The following PGM5 variants were observed in gnomAD, a reference collection of about 807,000 sequenced individuals.
PGM5 encodes phosphoglucomutase-like protein 5.
Under a neutral mutation model 59.2 loss-of-function variants are expected in PGM5, and 23 were observed. That is an observed-to-expected ratio of 0.39 (90% confidence interval 0.28 to 0.55). The LOEUF (loss-of-function observed/expected upper bound fraction) is 0.55, where lower values mean the gene tolerates loss of function less well. PGM5 is among the 20% of genes least tolerant of loss of function. The pLI is 0.66. For missense variants in PGM5, 574 were observed against 748.3 expected (o/e 0.77, Z 2.72); for synonymous variants, 214 against 286.0 (o/e 0.75, Z 2.54).
intron 6 of PGM5, among the ~76,000 whole-genome samples, chr9:68,426,634 A>G (rs1442180981): frequency 2.7e-5 from 4 of 148,580 alleles, no homozygotes; most frequent in African/African-American, 7.5e-5. Context: ...TTTTTGGCCA[A>G]TTTCTCTGGG....
At chr9:68,521,148 A>G (rs1412343767) in intron 10 of PGM5, among the ~76,000 whole-genome samples, 2 of 152,230 alleles carry the variant, frequency 1.3e-5, no homozygotes, top group Admixed American at 1.3e-4. Context: ...TGACTGCACA[A>G]GTTATGTAAT....
At chr9:68,466,864 T>C (rs1426383771) in intron 7 of PGM5, among the ~76,000 whole-genome samples, 1 of 152,336 alleles carries the variant, frequency 6.6e-6, no homozygotes, top group East Asian at 1.9e-4. Flanking sequence ...AAACTTTCCC[T>C]GGTAGCAGAG....
intron 6 of PGM5, among the ~76,000 whole-genome samples, chr9:68,445,554 C>T (rs1228115867): frequency 6.6e-6 from 1 of 152,204 alleles, no homozygotes; most frequent in Non-Finnish European, 1.5e-5. Flanking sequence ...CATATTGGGA[C>T]ACAACGTGGA....
intron 6 of PGM5, among the ~76,000 whole-genome samples, chr9:68,464,860 T>C (rs1672050080): frequency 6.6e-6 from 1 of 152,190 alleles, no homozygotes. Context: ...ATATTCTGTA[T>C]ATTAACTTAT....
chr9:68,424,632 T>C (rs1823203745), intron 6 of PGM5, among the ~76,000 whole-genome samples: 1 of 152,156 alleles, frequency 6.6e-6, no homozygotes, highest in Non-Finnish European at 1.5e-5. Context: ...GGCAGAAGGG[T>C]TCCATGGACA....
At chr9:68,386,993 T>A (rs365568) in intron 3 of PGM5, among the ~76,000 whole-genome samples, 108,560 of 150,486 alleles carry the variant, frequency 0.72, 39,077 homozygotes, top group South Asian at 0.79. Context: ...GCACAATGGC[T>A]TTTGGAAAAT....
rs1554676971 is a variant in PGM5 at position 68,369,115 on chromosome 9, C to T, written c.262-9084C>T. On this transcript the variant is annotated intron_variant, in intron 1 of 10. Transcript: ENST00000396396. ...CATGTTGTGGAAGAATATTCAGTGACATGGAAAGATTGACTCAAGGGCAAG... is the reference window on the plus strand; with the variant it reads ...CATGTTGTGGAAGAATATTCAGTGATATGGAAAGATTGACTCAAGGGCAAG... Among the ~76,000 whole-genome samples the T allele has an allele frequency of 2.0e-5, 3 of 152,172 alleles. No homozygotes were observed. The South Asian group carries it at 6.2e-4, about 31-fold the overall frequency.
intron 10 of PGM5, among the ~76,000 whole-genome samples, chr9:68,520,512 TACACCACGCA>T (rs1824885797): frequency 6.6e-6 from 1 of 152,172 alleles, no homozygotes; most frequent in South Asian, 2.1e-4. Context: ...ATATAGATAT[TACACCACGCA>T]ACATCAACTC....
At chr9:68,435,755 T>A (rs1823433246) in intron 6 of PGM5, among the ~76,000 whole-genome samples, 1 of 152,212 alleles carries the variant, frequency 6.6e-6, no homozygotes, top group African/African-American at 2.4e-5. Context: ...TATGTGAACA[T>A]GTGTTTTCTT....
intron 7 of PGM5, among the ~76,000 whole-genome samples, chr9:68,475,626 C>T (rs917476028): frequency 1.1e-4 from 16 of 151,906 alleles, no homozygotes; most frequent in African/African-American, 3.6e-4. Context: ...GTGATGAGTA[C>T]ACTAAAAGCC....
intron 6 of PGM5, among the ~76,000 whole-genome samples, chr9:68,393,097 TTGTC>T (rs1822408358): frequency 1.3e-5 from 2 of 151,950 alleles, no homozygotes; most frequent in African/African-American, 4.8e-5. Flanking sequence ...TCCATCCCTC[TTGTC>T]TATCACCCTA....
intron 10 of PGM5, among the ~76,000 whole-genome samples, chr9:68,518,767 A>G (rs1367652784): frequency 6.6e-6 from 1 of 152,232 alleles, no homozygotes. Context: ...TCATATTCGG[A>G]AAAATACAGA....
At chr9:68,507,180 G>C (rs1267530640) in intron 10 of PGM5, among the ~76,000 whole-genome samples, 3 of 152,224 alleles carry the variant, frequency 2.0e-5, no homozygotes, top group Non-Finnish European at 2.9e-5. Context: ...GTGTTGAAGA[G>C]AGAGTTGAGA....
intron 6 of PGM5, among the ~76,000 whole-genome samples, chr9:68,401,355 T>C (rs1342631391): frequency 4.0e-5 from 6 of 151,646 alleles, no homozygotes; most frequent in South Asian, 2.1e-4. Flanking sequence ...ACGAACCTTT[T>C]TTGGAAGTCA....
rs533052484 is a variant in PGM5 at position 68,412,742 on chromosome 9, G to A, written c.1043+20269G>A. Among the ~76,000 whole-genome samples, 8 of 152,324 alleles carry A rather than the reference G, an allele frequency of 5.3e-5. No individual in the cohort carries two copies. The South Asian group carries it at 1.7e-3, about 32-fold the overall frequency. ...GGCTAAAGGGACCATTTTCTTAACA[G>A]TTTCTTTCTTTTATAGGGCCATGTG... is the stretch of plus-strand genomic sequence containing the variant. On this transcript the variant is annotated intron_variant, in intron 6 of 10. Transcript: ENST00000396396.
chr9:68,513,053 T>C (rs1460273484), intron 10 of PGM5, among the ~76,000 whole-genome samples: 1 of 152,244 alleles, frequency 6.6e-6, no homozygotes, highest in Non-Finnish European at 1.5e-5. Flanking sequence ...CCTTGCCTTA[T>C]AGGTTTCTGA....
At chr9:68,388,087 C>T (rs1822273265) in intron 4 of PGM5, among the ~76,000 whole-genome samples, 1 of 140,314 alleles carries the variant, frequency 7.1e-6, no homozygotes, top group Non-Finnish European at 1.6e-5. Context: ...ACTGGAGCTG[C>T]AGCTCTTTTT....
At chr9:68,401,987 G>A (rs1173110207) in intron 6 of PGM5, among the ~76,000 whole-genome samples, 1 of 152,052 alleles carries the variant, frequency 6.6e-6, no homozygotes, top group Non-Finnish European at 1.5e-5. Flanking sequence ...TTTTGGCTGG[G>A]CGCGGTGGCT....
chr9:68,374,214 A>AT (rs1163684925), intron 1 of PGM5, among the ~76,000 whole-genome samples: 1 of 152,106 alleles, frequency 6.6e-6, no homozygotes, highest in Non-Finnish European at 1.5e-5. Context: ...AGCTACAAAC[A>AT]TTTTTCAGAT....
Sources: allele counts gnomAD v4.1 joint callset (sites outside exome capture counted in the v4.1 genomes callset), GRCh38; gene constraint gnomAD v4.1.1; transcripts MANE v1.5; gene names NCBI Gene and HGNC (gene_info 2026-07-23, HGNC 2026-07-21).